RARB: variants seen among roughly 807,000 people sequenced by gnomAD.
The protein encoded by RARB is HBV-activated protein.
In RARB, 17 loss-of-function variants were observed where a neutral mutation model predicts 51.9. That is an observed-to-expected ratio of 0.33 (90% CI 0.22 to 0.49). The LOEUF is 0.49. RARB is among the 20% of genes least tolerant of loss of function. The pLI, the probability that RARB is intolerant of heterozygous loss-of-function variation, is 0.99. For synonymous variants in RARB, 215 were observed against 195.4 expected (o/e 1.10, Z -0.84); for missense variants, 369 against 550.8 (o/e 0.67, Z 3.30).
chr3:25,595,890 C>T (rs138003108), intron 7 of RARB, among the ~76,000 whole-genome samples: 1 of 152,294 alleles, frequency 6.6e-6, no homozygotes, highest in African/African-American at 2.4e-5. Context: ...TCAGGAACTT[C>T]TCTTTGTAAA....
At chr3:24,945,146 G>A (rs896411606) in intron 2 of RARB, among the ~76,000 whole-genome samples, 7 of 152,274 alleles carry the variant, frequency 4.6e-5, no homozygotes, top group Non-Finnish European at 8.8e-5. Context: ...ATAGTCTTAT[G>A]GGTTTGCTTT....
intron 5 of RARB, among the ~76,000 whole-genome samples, chr3:25,407,474 A>G (rs1024549657): frequency 5.3e-5 from 8 of 152,210 alleles, no homozygotes; most frequent in African/African-American, 9.7e-5. Flanking sequence ...AATTAAAGGC[A>G]CAATAATTAT....
chr3:25,581,284 C>T (rs1238549003), intron 5 of RARB, among the ~76,000 whole-genome samples: 1 of 152,212 alleles, frequency 6.6e-6, no homozygotes, highest in African/African-American at 2.4e-5. Flanking sequence ...GTTTTTATAG[C>T]ACTTCAAAAG....
chr3:25,154,134 A>G (rs1700337393), intron 4 of RARB, among the ~76,000 whole-genome samples: 1 of 152,238 alleles, frequency 6.6e-6, no homozygotes, highest in Non-Finnish European at 1.5e-5. Context: ...ACACAATTAA[A>G]GATATCTTAT....
intron 5 of RARB, among the ~76,000 whole-genome samples, chr3:25,300,468 C>T (rs550154835): frequency 6.6e-6 from 1 of 152,150 alleles, no homozygotes; most frequent in Non-Finnish European, 1.5e-5. Context: ...TTCTGATATC[C>T]TTTTTGATCC....
intron 2 of RARB, among the ~76,000 whole-genome samples, chr3:24,920,557 T>C (rs2125386580): frequency 6.6e-6 from 1 of 150,642 alleles, no homozygotes; most frequent in East Asian, 1.9e-4. Flanking sequence ...TTCTCTTCTT[T>C]TCCAGATAAA....
intron 2 of RARB, among the ~76,000 whole-genome samples, chr3:24,864,273 A>G (rs1369677165): frequency 6.6e-6 from 1 of 152,110 alleles, no homozygotes; most frequent in African/African-American, 2.4e-5. Context: ...CAGACACACC[A>G]TCCATCCTTT....
chr3:25,182,386 C>T (rs180924273), intron 5 of RARB, among the ~76,000 whole-genome samples: 9 of 152,168 alleles, frequency 5.9e-5, no homozygotes, highest in Non-Finnish European at 1.0e-4. Flanking sequence ...CAGCGATATG[C>T]AGAAGACCCA....
At chr3:25,103,058 T>C (rs73044589) in intron 3 of RARB, among the ~76,000 whole-genome samples, 1 of 152,042 alleles carries the variant, frequency 6.6e-6, no homozygotes, top group East Asian at 1.9e-4. Context: ...CTAGGATTGG[T>C]ATATAGTGCA....
intron 5 of RARB, among the ~76,000 whole-genome samples, chr3:25,335,225 T>C (rs1308897698): frequency 6.6e-6 from 1 of 152,066 alleles, no homozygotes; most frequent in Non-Finnish European, 1.5e-5. Flanking sequence ...GTGTGGCACA[T>C]ACCAAATGTT....
chr3:25,327,728 G>T (rs924233848), intron 5 of RARB, among the ~76,000 whole-genome samples: 43 of 152,146 alleles, frequency 2.8e-4, no homozygotes, highest in Non-Finnish European at 5.6e-4. Flanking sequence ...GAGATGATGA[G>T]AAACGGTAAA....
intron 4 of RARB, among the ~76,000 whole-genome samples, chr3:25,146,568 C>A (rs1057221316): frequency 1.4e-5 from 2 of 144,054 alleles, no homozygotes; most frequent in East Asian, 4.2e-4. Flanking sequence ...AGTGCAATGG[C>A]GCGATCTCGG....
intron 4 of RARB, among the ~76,000 whole-genome samples, chr3:25,167,946 A>G (rs1700585599): frequency 6.6e-6 from 1 of 152,186 alleles, no homozygotes; most frequent in South Asian, 2.1e-4. Context: ...AAAGCCCATT[A>G]ATCTGACATT....
intron 2 of RARB, among the ~76,000 whole-genome samples, chr3:24,972,036 C>T (rs951744626): frequency 3.1e-4 from 47 of 151,814 alleles, no homozygotes; most frequent in Admixed American, 2.4e-3. Context: ...TTGAAATGTA[C>T]GATGGATTAA....
chr3:24,945,683 T>G (rs1695758210), intron 2 of RARB, among the ~76,000 whole-genome samples: 2 of 152,242 alleles, frequency 1.3e-5, no homozygotes, highest in South Asian at 4.1e-4. Flanking sequence ...CCTTGGCACA[T>G]TTGATTGCTG....
chr3:24,882,890 C>A (rs1404243001), intron 2 of RARB, among the ~76,000 whole-genome samples: 1 of 152,204 alleles, frequency 6.6e-6, no homozygotes, highest in Non-Finnish European at 1.5e-5. Context: ...TGACCAATTA[C>A]ACCTAGTTGG....
rs1701696773 is a variant in RARB, at chr3:25,593,541, C to T, written c.825C>T (p.Asp275=). The change falls in exon 6 of 8, where the codon GAC becomes GAT. Residue 275 remains aspartate (D), a synonymous_variant. Transcript: ENST00000330688. The part of the protein sequence containing the change: ...RICTRYTPEQ[D]TMTFSDGLTL... ...GCACCAGGTATACCCCAGAACAAGA[C>T]ACCATGACTTTCTCAGACGGCCTTA... The T allele has an allele frequency of 1.9e-6, 3 of 1,613,984 alleles. No individual in the cohort carries two copies. Among genetic ancestry groups the T allele is most frequent in the Non-Finnish European group, 2.5e-6 (3 of 1,179,944 alleles).
At chr3:25,181,422 G>T (rs567791007) in intron 5 of RARB, among the ~76,000 whole-genome samples, 1 of 152,282 alleles carries the variant, frequency 6.6e-6, no homozygotes, top group South Asian at 2.1e-4. Context: ...CATCTTTGCG[G>T]AATGATTGAA....
chr3:25,330,713 A>T (rs1296434548), intron 5 of RARB, among the ~76,000 whole-genome samples: 1 of 152,216 alleles, frequency 6.6e-6, no homozygotes, highest in Non-Finnish European at 1.5e-5. Context: ...AAAGACACAG[A>T]CTGGCAAATT....
Sources: gnomAD v4.1 joint callset for allele counts (sites outside exome capture counted in the v4.1 genomes callset) on GRCh38, gnomAD v4.1.1 for gene constraint, MANE v1.5 for transcripts, NCBI Gene and HGNC (gene_info 2026-07-23, HGNC 2026-07-21) for gene names.